The following KIF1A variants were observed in gnomAD, a reference collection of about 807,000 sequenced individuals.
The protein encoded by KIF1A is kinesin-like protein KIF1A.
In KIF1A, 46 loss-of-function variants were observed where a neutral mutation model predicts 227.3. The observed-to-expected ratio is 0.20, with a 90% CI of 0.16 to 0.26. The LOEUF is 0.26. KIF1A is among the 10% of genes least tolerant of loss of function. The pLI, the probability that KIF1A is intolerant of heterozygous loss-of-function variation, is 1.00. For missense variants in KIF1A, 1,683 were observed against 2,485.9 expected, an observed-to-expected ratio of 0.68 and a Z score of 6.87; for synonymous variants, 1,022 against 1,012.8, an observed-to-expected ratio of 1.01 and a Z score of -0.17.
chr2:240,797,440 G>C (rs1167799937), intron 2 of KIF1A, among the ~76,000 whole-genome samples: 1 of 152,222 alleles, frequency 6.6e-6, no homozygotes, highest in Non-Finnish European at 1.5e-5. Flanking sequence ...GGCCTCCACA[G>C]CTGTAAGCGT....
At chr2:240,783,619 T>A in intron 8 of KIF1A, 120 bp downstream of exon 8, 58 of 669,492 alleles carry the variant, frequency 8.7e-5, no homozygotes, top group East Asian at 1.2e-4. Flanking sequence ...CCACCCTCCC[T>A]ATGCAGGCTC....
chr2:240,722,091 C>T (rs573661546), intron 43 of KIF1A, among the ~76,000 whole-genome samples: 80 of 152,286 alleles, frequency 5.3e-4, no homozygotes, highest in African/African-American at 1.9e-3. Flanking sequence ...CGGCTGAGGG[C>T]CTGGTGTGAG....
chr2:240,789,229 G>A lies in KIF1A; in HGVS notation c.183+7C>T, dbSNP rs74469870. The A allele has an allele frequency of 5.7e-4, 921 of 1,612,806 alleles. 6 individuals are homozygous for A. In the African/African-American group the frequency reaches 0.01, roughly 18 times the overall value. On this transcript the variant is annotated splice_region_variant and intron_variant, in intron 3 of 48. Coordinates refer to ENST00000498729, the MANE Select transcript of KIF1A (RefSeq NM_001244008.2). The surrounding 1 kb of genome is among the most constrained non-coding windows in gnomAD (Gnocchi z 4.8). Reference sequence around the variant, plus strand: ...CCCGCCTCCCCCGACCCGGGGTCCCGGCTTACTGAGGTGTGCGACCAGTAG... The same window carrying A: ...CCCGCCTCCCCCGACCCGGGGTCCCAGCTTACTGAGGTGTGCGACCAGTAG...
Position 240,758,870 on chromosome 2 carries a change from C to T in KIF1A, c.2445-373G>A, listed in dbSNP as rs1024820776. ...AGAAACGGGGATCAGGCCACAGAGG[C>T]GCAAGAGCTCGAGGAATAAAGGGCA... On this transcript the variant is annotated intron_variant, in intron 25 of 48. Coordinates refer to ENST00000498729, the MANE Select transcript of KIF1A (RefSeq NM_001244008.2). The surrounding 1 kb of genome is among the most constrained non-coding windows in gnomAD (Gnocchi z 5.2). 3.3e-5 allele frequency among the ~76,000 whole-genome samples: 5 copies of T among 152,072 alleles called. No individual in the cohort carries two copies. The highest frequency in any genetic ancestry group is 2.0e-4 in the Admixed American group (3 of 15,278).
chr2:240,724,907 G>A, intron 40 of KIF1A: 1 of 233,962 alleles, frequency 4.3e-6, no homozygotes, highest in Non-Finnish European at 8.1e-6. Flanking sequence ...AGGTTCCGTG[G>A]TCCTCAGGGA....
rs1275282261 is a variant in KIF1A, at chr2:240,786,764, G to A, written c.430-251C>T. 8.6e-5 allele frequency among the ~76,000 whole-genome samples: 11 copies of A among 128,162 alleles called. 1 individual carries two copies. The highest frequency in any genetic ancestry group is 3.4e-4 in the African/African-American group (11 of 32,180). 84.1% of individuals were successfully genotyped at this position (128,162 alleles called of 152,430 possible). The stretch of plus-strand genomic sequence containing the variant: ...GCTGGGCCCCTGAGTGAGAGGGTAG[G>A]GGCCACCATCAGGACCCCTGAGTGA... On this transcript the variant is annotated intron_variant, in intron 5 of 48. Coordinates refer to ENST00000498729, the MANE Select transcript of KIF1A (RefSeq NM_001244008.2).
At chr2:240,795,669 A>G (rs2056294394) in intron 2 of KIF1A, among the ~76,000 whole-genome samples, 1 of 152,162 alleles carries the variant, frequency 6.6e-6, no homozygotes, top group Non-Finnish European at 1.5e-5. Flanking sequence ...GAAATGCATA[A>G]TGGGGAGGCC....
In KIF1A at chr2:240,813,491, C is replaced by T. The variant is rs527648397; in HGVS notation, c.-61+6631G>A. ...ACCCCCAGCCCCGCCATCCACCCTC[C>T]GAGGGTGGTCACTGCCAGTGCCCCC... On this transcript the variant is annotated intron_variant, in intron 1 of 48. Coordinates refer to ENST00000498729, the MANE Select transcript of KIF1A (RefSeq NM_001244008.2). Among the ~76,000 whole-genome samples, 8 of 152,300 alleles carry T rather than the reference C, an allele frequency of 5.3e-5. No individual in the cohort carries two copies. In the South Asian group the frequency reaches 1.0e-3, roughly 20 times the overall value.
At chr2:240,782,993 G>A (rs768419668) in intron 9 of KIF1A, 51 bp downstream of exon 9, 37 of 1,442,784 alleles carry the variant, frequency 2.6e-5, no homozygotes, top group South Asian at 3.4e-5. Context: ...AGGATGGGGC[G>A]CCAAAGACCC....
At chr2:240,811,731 C>A (rs1322967860) in intron 1 of KIF1A, among the ~76,000 whole-genome samples, 1 of 152,132 alleles carries the variant, frequency 6.6e-6, no homozygotes, top group African/African-American at 2.4e-5. Context: ...AGGGCACAGG[C>A]TCAAGGGTGG....
chr2:240,767,528 C>T (rs981877660), intron 17 of KIF1A, among the ~76,000 whole-genome samples, 183 bp from the exon 18 acceptor site: 6 of 152,230 alleles, frequency 3.9e-5, no homozygotes, highest in South Asian at 4.1e-4. Flanking sequence ...AAGCTCAAGC[C>T]GAAGGCCCAG....
intron 45 of KIF1A, chr2:240,720,150 C>T (rs1021912532): frequency 2.3e-6 from 1 of 438,122 alleles, no homozygotes; most frequent in African/African-American, 2.1e-5. Context: ...CAGGGTCCCC[C>T]AGGAACCTCG....
intron 44 of KIF1A, 105 bp from the exon 45 acceptor site, chr2:240,721,143 G>C (rs1382193514): frequency 1.4e-6 from 2 of 1,421,120 alleles, no homozygotes; most frequent in East Asian, 5.0e-5. Context: ...GCTGCTTAGG[G>C]CACCCCACCC....
Position 240,736,525 on chromosome 2 carries a change from C to T in KIF1A, c.4007+538G>A, listed in dbSNP as rs185885613. On this transcript the variant is annotated intron_variant, in intron 38 of 48. Coordinates refer to ENST00000498729, the MANE Select transcript of KIF1A (RefSeq NM_001244008.2). The surrounding 1 kb of genome is among the most constrained non-coding windows in gnomAD (Gnocchi z 4.7). ...TAGGGCTGCCACAGACATCCCAGAGCGCCAAAACCCCAGCCTAAATGCGGT... is the reference window on the plus strand; with the variant it reads ...TAGGGCTGCCACAGACATCCCAGAGTGCCAAAACCCCAGCCTAAATGCGGT... Among the ~76,000 whole-genome samples, 671 of 152,322 alleles carry T rather than the reference C, an allele frequency of 4.4e-3. 3 individuals are homozygous for T. Among genetic ancestry groups the T allele is most frequent in the African/African-American group, 0.013 (556 of 41,560 alleles).
At chr2:240,730,090 C>G (rs191945437) in intron 38 of KIF1A, among the ~76,000 whole-genome samples, 6 of 152,354 alleles carry the variant, frequency 3.9e-5, no homozygotes, top group East Asian at 1.9e-4. Context: ...TCCCTGGCAA[C>G]ACTCCTTAGT....
intron 38 of KIF1A, among the ~76,000 whole-genome samples, chr2:240,732,097 G>A (rs1464857712): frequency 1.8e-5 from 1 of 56,268 alleles, no homozygotes; most frequent in Non-Finnish European, 3.5e-5. Context: ...AGGAGGGGAG[G>A]AGAGAATGAG....
intron 17 of KIF1A, among the ~76,000 whole-genome samples, chr2:240,768,783 C>T (rs900534415): frequency 6.6e-6 from 1 of 152,198 alleles, no homozygotes; most frequent in African/African-American, 2.4e-5. Context: ...GCTCTGTGAG[C>T]AGCCCAGGCT....
intron 1 of KIF1A, among the ~76,000 whole-genome samples, chr2:240,801,552 T>TG (rs1257444276): frequency 6.6e-6 from 1 of 152,178 alleles, no homozygotes; most frequent in Non-Finnish European, 1.5e-5. Context: ...AGAAATGGAA[T>TG]GGGGGTGCCA....
chr2:240,776,392 C>T (rs1315000757), intron 10 of KIF1A, among the ~76,000 whole-genome samples: 1 of 152,238 alleles, frequency 6.6e-6, no homozygotes, highest in East Asian at 1.9e-4. Flanking sequence ...TACCTCCCTG[C>T]CAGCTTAAAT....
Sources: gnomAD v4.1 joint callset for allele counts (sites outside exome capture counted in the v4.1 genomes callset) on GRCh38, gnomAD v4.1.1 for gene constraint, Gnocchi (gnomAD v3.1) non-coding constraint, MANE v1.5 for transcripts, NCBI Gene and HGNC (gene_info 2026-07-23, HGNC 2026-07-21) for gene names.